TMEM86A: variants seen among roughly 807,000 people sequenced by gnomAD.
TMEM86A encodes the protein transmembrane protein 86A, also known as lysoplasmalogenase TMEM86A.
Under a neutral mutation model 19.8 loss-of-function variants are expected in TMEM86A, and 13 were observed. The ratio of observed to expected loss-of-function variants is 0.66; its 90% CI spans 0.43 to 1.04. The LOEUF is 1.04. Ranked by LOEUF, TMEM86A falls within the 50% of genes least tolerant of loss-of-function variation. The probability of loss-of-function intolerance (pLI) is 0.00; values close to 1 mark genes in which losing one functional copy is unlikely to be tolerated. For synonymous variants in TMEM86A, 128 were observed against 129.9 expected, an observed-to-expected ratio of 0.99 and a Z score of 0.10; for missense variants, 248 against 306.8, an observed-to-expected ratio of 0.81 and a Z score of 1.43.
Position 18,703,334 on chromosome 11 carries a change from G to T in TMEM86A, c.*1325G>T, listed in dbSNP as rs568112518. 3.9e-5 allele frequency: 6 copies of T among 152,484 alleles called. No homozygotes were observed. The highest frequency in any genetic ancestry group is 1.4e-4 in the African/African-American group (6 of 41,564). 9.4% of individuals were successfully genotyped at this position (152,484 alleles called of 1,614,324 possible). ...TGTGGTTTAGGAGGATGGGGGATGA[G>T]TGGTATTTGCCACTGTCCAAATTTG... On this transcript the variant is annotated 3_prime_UTR_variant, in exon 3 of 3. Transcript: ENST00000280734.
At position 18,704,322 on chromosome 11, in the gene TMEM86A, T is replaced by TA. The variant is rs755905153; in HGVS notation, c.*2314dup. 1 of 646,154 alleles carries TA rather than the reference T, an allele frequency of 1.5e-6. No homozygotes were observed. The highest frequency in any genetic ancestry group is 2.8e-6 in the Non-Finnish European group (1 of 355,466). 40.0% of individuals were successfully genotyped at this position (646,154 alleles called of 1,614,324 possible). Reference sequence around the variant, plus strand: ...CCCTCAGGAACGGGAAAGGATGAGTTACGTTTATTGCCCCATCCCTTCACT... The same window carrying TA: ...CCCTCAGGAACGGGAAAGGATGAGTTAACGTTTATTGCCCCATCCCTTCACT... On this transcript the variant is annotated 3_prime_UTR_variant, in exon 3 of 3. Transcript: ENST00000280734.
chr11:18,704,296 A>C lies in TMEM86A; in HGVS notation c.*2287A>C. The C allele has an allele frequency of 1.6e-6, 1 of 610,856 alleles. No individual in the cohort carries two copies. The highest frequency in any genetic ancestry group is 2.7e-5 in the Admixed American group (1 of 37,282). 37.8% of individuals were successfully genotyped at this position (610,856 alleles called of 1,614,324 possible). On this transcript the variant is annotated 3_prime_UTR_variant, in exon 3 of 3. Coordinates refer to ENST00000280734, the MANE Select transcript of TMEM86A (RefSeq NM_153347.3). The stretch of plus-strand genomic sequence containing the variant: ...ATCCCCTTGGTCCCTGCTGTATATC[A>C]CCCTCAGGAACGGGAAAGGATGAGT...
chr11:18,701,015 C>T lies in TMEM86A; in HGVS notation c.104C>T (p.Pro35Leu), dbSNP rs765330385. 2 of 1,614,096 alleles carry T rather than the reference C, an allele frequency of 1.2e-6. No individual in the cohort carries two copies. The highest frequency in any genetic ancestry group is 1.7e-5 in the Admixed American group (1 of 60,014). ...GTGCTCTGGCTGCCCTCATCTAGCCCATCGTGGGTCAGCACCCTCATCAAG... is the reference window on the plus strand; with the variant it reads ...GTGCTCTGGCTGCCCTCATCTAGCCTATCGTGGGTCAGCACCCTCATCAAG... ...YFVLWLPSSS[P>L]SWVSTLIKCL... The change falls in exon 2 of 3, where the codon CCA (proline) becomes CTA (leucine). Residue 35 changes from proline to leucine, a missense_variant. Physicochemically the swap from Pro to Leu is moderately conservative, Grantham distance 98. Transcript: ENST00000280734. This position sits in a 1 kb window ranked among gnomAD's most constrained non-coding sequence, Gnocchi z 5.3.
At position 18,699,183 on chromosome 11, in the gene TMEM86A, G is replaced by C. The variant is rs907899354; in HGVS notation, c.21+276G>C. Among the ~76,000 whole-genome samples the C allele has an allele frequency of 6.6e-6, 1 of 152,244 alleles. No individual in the cohort carries two copies. The highest frequency in any genetic ancestry group is 6.5e-5 in the Admixed American group (1 of 15,294). On this transcript the variant is annotated intron_variant, in intron 1 of 2. Coordinates refer to ENST00000280734, the MANE Select transcript of TMEM86A (RefSeq NM_153347.3). This position sits in a 1 kb window ranked among gnomAD's most constrained non-coding sequence, Gnocchi z 4.0. ...CTTTGTTGATCTCCATGTATTTGGC[G>C]CGGGTCGGCGGGGTCGCGGCCCGGG...
Position 18,701,508 on chromosome 11 carries a change from C to G in TMEM86A, c.287-65C>G. 1 of 1,485,752 alleles carries G rather than the reference C, an allele frequency of 6.7e-7. No homozygotes were observed. Among genetic ancestry groups the G allele is most frequent in the South Asian group, 1.3e-5 (1 of 74,802 alleles). The allele number at this position is 1,485,752 out of a possible 1,614,324, so 92.0% of individuals were successfully genotyped here. ...ACTCCATCGCCACATCCATCCCTAC[C>G]CCCACCCTGTTACTCATTCTTCATC... is the stretch of plus-strand genomic sequence containing the variant. On this transcript the variant is annotated intron_variant, in intron 2 of 2. Transcript: ENST00000280734. The surrounding 1 kb of genome is among the most constrained non-coding windows in gnomAD (Gnocchi z 5.3).
chr11:18,698,791 T>C lies in TMEM86A; in HGVS notation c.-96T>C, dbSNP rs1848124116. Reference sequence around the variant, plus strand: ...GCGCTCGGGAGGTATTGTCCGTCCCTCCGGGCTTTGTAGAATCGTCGCCGG... The same window carrying C: ...GCGCTCGGGAGGTATTGTCCGTCCCCCCGGGCTTTGTAGAATCGTCGCCGG... On this transcript the variant is annotated 5_prime_UTR_variant, in exon 1 of 3. Coordinates refer to ENST00000280734, the MANE Select transcript of TMEM86A (RefSeq NM_153347.3). The C allele has an allele frequency of 1.6e-6, 1 of 642,500 alleles. No individual in the cohort carries two copies. The highest frequency in any genetic ancestry group is 1.9e-5 in the African/African-American group (1 of 52,690). 39.8% of individuals were successfully genotyped at this position (642,500 alleles called of 1,614,324 possible). A position where few individuals can be genotyped will look rare whatever the true frequency, so the allele number is the denominator to read the frequency against.
chr11:18,702,257 C>T lies in TMEM86A; in HGVS notation c.*248C>T, dbSNP rs563148693. On this transcript the variant is annotated 3_prime_UTR_variant, in exon 3 of 3. Coordinates refer to ENST00000280734, the MANE Select transcript of TMEM86A (RefSeq NM_153347.3). The stretch of plus-strand genomic sequence containing the variant: ...GGAGCCAGAAGTAGACATCTCCCCA[C>T]CTCTACCCTATCAGGACTTTCAAAA... 3.6e-6 allele frequency: 2 copies of T among 554,866 alleles called. No homozygotes were observed. Among genetic ancestry groups the T allele is most frequent in the African/African-American group, 1.9e-5 (1 of 53,106 alleles). The allele number at this position is 554,866 out of a possible 1,614,324, so 34.4% of individuals were successfully genotyped here.
chr11:18,700,113 C>G (rs1848135440), intron 1 of TMEM86A: 1 of 152,210 alleles, frequency 6.6e-6, no homozygotes, highest in Non-Finnish European at 1.5e-5. Flanking sequence ...GCTCTAACTT[C>G]CCCCTCTCAG....
rs1848177245 is a variant in TMEM86A, at chr11:18,704,136, G to A, written c.*2127G>A. 3.6e-6 allele frequency: 1 copy of A among 274,924 alleles called. No homozygotes were observed. Among genetic ancestry groups the A allele is most frequent in the Non-Finnish European group, 7.1e-6 (1 of 140,846 alleles). The allele number at this position is 274,924 out of a possible 1,614,324, so 17.0% of individuals were successfully genotyped here. A position where few individuals can be genotyped will look rare whatever the true frequency, so the allele number is the denominator to read the frequency against. ...CCCAAGCTCTGAGGGGAGGGGGAAAGTGCCATGTAGATGTGGAGGAGGGGA... is the reference window on the plus strand; with the variant it reads ...CCCAAGCTCTGAGGGGAGGGGGAAAATGCCATGTAGATGTGGAGGAGGGGA... On this transcript the variant is annotated 3_prime_UTR_variant, in exon 3 of 3. Transcript: ENST00000280734.
intron 1 of TMEM86A, chr11:18,700,711 CCT>C: frequency 1.6e-6 from 1 of 615,224 alleles, no homozygotes; most frequent in Non-Finnish European, 2.8e-6. Context: ...GAAGGGTGCC[CCT>C]CCTAATATAC....
intron 1 of TMEM86A, chr11:18,700,513 A>G (rs1245258883): frequency 5.0e-6 from 1 of 201,692 alleles, no homozygotes; most frequent in Non-Finnish European, 1.0e-5. Flanking sequence ...CCAGGGCCCT[A>G]AGGCTGCACC....
rs1590427769 is a variant in TMEM86A at position 18,699,671 on chromosome 11, A to G, written c.21+764A>G. ...AGCCGCCTCCTCTGACCATGCCCCT[A>G]CCCTGACCAGCCTTAATTTCCATGG... On this transcript the variant is annotated intron_variant, in intron 1 of 2. Coordinates refer to ENST00000280734, the MANE Select transcript of TMEM86A (RefSeq NM_153347.3). The surrounding 1 kb of genome is among the most constrained non-coding windows in gnomAD (Gnocchi z 4.0). 1 of 152,234 alleles carries G rather than the reference A, an allele frequency of 6.6e-6. No individual in the cohort carries two copies. The highest frequency in any genetic ancestry group is 2.4e-5 in the African/African-American group (1 of 41,398). The allele number at this position is 152,234 out of a possible 1,614,324, so 9.4% of individuals were successfully genotyped here.
intron 1 of TMEM86A, chr11:18,700,578 C>A: frequency 3.2e-6 from 1 of 309,990 alleles, no homozygotes. Context: ...CTGTGGTTTC[C>A]CACTGACTTC....
In TMEM86A at chr11:18,702,900, G is replaced by A. The variant is rs1367127394; in HGVS notation, c.*891G>A. ...CCTCAGGGAGCTGCTGAGGGGTGCT[G>A]AGCCTGGCTCAGGGAGCTGGGACCC... On this transcript the variant is annotated 3_prime_UTR_variant, in exon 3 of 3. Coordinates refer to ENST00000280734, the MANE Select transcript of TMEM86A (RefSeq NM_153347.3). The A allele has an allele frequency of 1.3e-5, 2 of 152,968 alleles. No homozygotes were observed. The highest frequency in any genetic ancestry group is 2.4e-5 in the African/African-American group (1 of 41,422). 9.5% of individuals were successfully genotyped at this position (152,968 alleles called of 1,614,324 possible). A position where few individuals can be genotyped will look rare whatever the true frequency, so the allele number is the denominator to read the frequency against.
chr11:18,703,321 G>A lies in TMEM86A; in HGVS notation c.*1312G>A, dbSNP rs1848168889. 6.6e-6 allele frequency: 1 copy of A among 152,330 alleles called. No individual in the cohort carries two copies. Among genetic ancestry groups the A allele is most frequent in the African/African-American group, 2.4e-5 (1 of 41,426 alleles). 9.4% of individuals were successfully genotyped at this position (152,330 alleles called of 1,614,324 possible). On this transcript the variant is annotated 3_prime_UTR_variant, in exon 3 of 3. Transcript: ENST00000280734. ...GTGTGGGTGAGGATGTGGTTTAGGA[G>A]GATGGGGGATGAGTGGTATTTGCCA...
rs1416177938 is a variant in TMEM86A at position 18,704,469 on chromosome 11, C to T, written c.*2460C>T. 2.6e-6 allele frequency: 4 copies of T among 1,548,538 alleles called. No homozygotes were observed. The highest frequency in any genetic ancestry group is 1.2e-5 in the South Asian group (1 of 83,976). ...CTGATGCCTGGGCTTGGCTGGAGCT[C>T]ACATGAGGTGCTTTGATTTCTTCTG... is the stretch of plus-strand genomic sequence containing the variant. On this transcript the variant is annotated 3_prime_UTR_variant, in exon 3 of 3. Coordinates refer to ENST00000280734, the MANE Select transcript of TMEM86A (RefSeq NM_153347.3).
rs893573581 is a variant in TMEM86A, at chr11:18,704,325, G to A, written c.*2316G>A. On this transcript the variant is annotated 3_prime_UTR_variant, in exon 3 of 3. Coordinates refer to ENST00000280734, the MANE Select transcript of TMEM86A (RefSeq NM_153347.3). ...TCAGGAACGGGAAAGGATGAGTTACGTTTATTGCCCCATCCCTTCACTGAA... is the reference window on the plus strand; with the variant it reads ...TCAGGAACGGGAAAGGATGAGTTACATTTATTGCCCCATCCCTTCACTGAA... 44 of 651,502 alleles carry A rather than the reference G, an allele frequency of 6.8e-5. No homozygotes were observed. In the African/African-American group the frequency reaches 7.5e-4, roughly 11 times the overall value. The allele number at this position is 651,502 out of a possible 1,614,324, so 40.4% of individuals were successfully genotyped here. A position where few individuals can be genotyped will look rare whatever the true frequency, so the allele number is the denominator to read the frequency against.
chr11:18,699,295 A>C lies in TMEM86A; in HGVS notation c.21+388A>C, dbSNP rs1848129741. Among the ~76,000 whole-genome samples the C allele has an allele frequency of 2.0e-5, 3 of 152,194 alleles. No homozygotes were observed. Among genetic ancestry groups the C allele is most frequent in the African/African-American group, 4.8e-5 (2 of 41,452 alleles). On this transcript the variant is annotated intron_variant, in intron 1 of 2. Coordinates refer to ENST00000280734, the MANE Select transcript of TMEM86A (RefSeq NM_153347.3). This position sits in a 1 kb window ranked among gnomAD's most constrained non-coding sequence, Gnocchi z 4.0. ...GGGCGGGGGATGCTGGGAGGATAAC[A>C]GGGACCTCCTGGGAATGCCGTCCCA...
At chr11:18,700,739 T>C (rs991706618) in intron 1 of TMEM86A, 194 bp from the exon 2 acceptor site, 2 of 688,576 alleles carry the variant, frequency 2.9e-6, no homozygotes, top group African/African-American at 1.8e-5. Context: ...CTCAGGGCAG[T>C]AATGGGTTTG....
Sources: allele counts gnomAD v4.1 joint callset (sites outside exome capture counted in the v4.1 genomes callset), GRCh38; gene constraint gnomAD v4.1.1; non-coding constraint Gnocchi (gnomAD v3.1); transcripts MANE v1.5; gene names NCBI Gene and HGNC (gene_info 2026-07-23, HGNC 2026-07-21).